PRDM16: variants seen among roughly 807,000 people sequenced by gnomAD.
PRDM16 encodes the protein PR/SET domain 16.
PRDM16 carries 23 observed loss-of-function variants against 110.6 expected under a neutral mutation model. The ratio of observed to expected loss-of-function variants is 0.21; its 90% CI spans 0.15 to 0.29. The LOEUF (loss-of-function observed/expected upper bound fraction) is 0.29. Among genes scored for constraint, PRDM16 ranks in the 10% least tolerant of loss-of-function variants. The pLI, the probability that PRDM16 is intolerant of heterozygous loss-of-function variation, is 1.00. For synonymous variants in PRDM16, 799 were observed against 781.8 expected (o/e 1.02, Z -0.37); for missense variants, 1,615 against 1,794.3 (o/e 0.90, Z 1.81).
intron 1 of PRDM16, among the ~76,000 whole-genome samples, chr1:3,082,202 C>A (rs989840138): frequency 1.3e-5 from 2 of 152,178 alleles, no homozygotes; most frequent in African/African-American, 4.8e-5. Flanking sequence ...GGGAGGCCCC[C>A]GCGGCCAGGC....
intron 1 of PRDM16, among the ~76,000 whole-genome samples, chr1:3,170,264 C>T (rs114535327): frequency 0.052 from 7,910 of 152,248 alleles, 226 homozygotes; most frequent in Admixed American, 0.072. Flanking sequence ...CAGGCCCTTC[C>T]GGGGTGGGGG....
At position 3,117,501 on chromosome 1, in the gene PRDM16, C is replaced by T. The variant is rs566358529; in HGVS notation, c.37+48205C>T. Reference sequence around the variant, plus strand: ...GGAGTGGTCTAGAGCCTGGGGGCATCGCCATGCCACCTCACCTCTGGCTAC... The same window carrying T: ...GGAGTGGTCTAGAGCCTGGGGGCATTGCCATGCCACCTCACCTCTGGCTAC... On this transcript the variant is annotated intron_variant, in intron 1 of 16. Transcript: ENST00000270722. Among the ~76,000 whole-genome samples the T allele has an allele frequency of 9.9e-5, 15 of 152,112 alleles. 1 individual carries two copies. Among genetic ancestry groups the T allele is most frequent in the Admixed American group, 7.9e-4 (12 of 15,282 alleles).
chr1:3,237,057 C>T (rs1177720888), intron 2 of PRDM16, among the ~76,000 whole-genome samples: 1 of 152,156 alleles, frequency 6.6e-6, no homozygotes, highest in Non-Finnish European at 1.5e-5. Flanking sequence ...GAAAGACCCC[C>T]ACATGCTCCT....
intron 2 of PRDM16, among the ~76,000 whole-genome samples, chr1:3,238,567 T>G (rs1417298065): frequency 1.3e-5 from 2 of 152,236 alleles, no homozygotes; most frequent in Non-Finnish European, 2.9e-5. Flanking sequence ...CGCAAGGGTT[T>G]GTGTCAACAC....
chr1:3,269,889 G>A (rs1640396045), intron 3 of PRDM16, among the ~76,000 whole-genome samples: 1 of 143,678 alleles, frequency 7.0e-6, no homozygotes, highest in African/African-American at 2.7e-5. Context: ...AGTCCCAGAG[G>A]AGGAAAGTCC....
chr1:3,083,306 C>T (rs1405783832), intron 1 of PRDM16, among the ~76,000 whole-genome samples: 1 of 152,202 alleles, frequency 6.6e-6, no homozygotes, highest in Non-Finnish European at 1.5e-5. Context: ...CATCCCTCCC[C>T]ATCATAGCCC....
intron 3 of PRDM16, among the ~76,000 whole-genome samples, chr1:3,345,724 TC>T: frequency 6.6e-6 from 1 of 151,478 alleles, no homozygotes; most frequent in South Asian, 2.1e-4. Context: ...TCTCGGGTCC[TC>T]CCGTGCTGCC....
At position 3,401,087 on chromosome 1, in the gene PRDM16, G is replaced by A. The variant is rs532553904; in HGVS notation, c.677-1704G>A. Among the ~76,000 whole-genome samples the A allele has an allele frequency of 1.1e-4, 16 of 152,268 alleles. No homozygotes were observed. The South Asian group carries it at 2.7e-3, about 26-fold the overall frequency. ...TCAGGGAGCCAGGCTCTGAGGACCC[G>A]CCAGGGGTGCTGGGGTGGCCCAGGC... On this transcript the variant is annotated intron_variant, in intron 5 of 16. Coordinates refer to ENST00000270722, the MANE Select transcript of PRDM16 (RefSeq NM_022114.4).
At chr1:3,356,128 C>T (rs777719175) in intron 3 of PRDM16, among the ~76,000 whole-genome samples, 8 of 152,232 alleles carry the variant, frequency 5.3e-5, no homozygotes, top group African/African-American at 7.2e-5. Flanking sequence ...ATGACTCCCA[C>T]GAGGGCGTTA....
At chr1:3,363,804 A>G (rs1019406662) in intron 3 of PRDM16, among the ~76,000 whole-genome samples, 4 of 152,036 alleles carry the variant, frequency 2.6e-5, no homozygotes, top group African/African-American at 7.2e-5. Flanking sequence ...AAAGAAGGAG[A>G]AGGAGGAGGA....
Position 3,197,096 on chromosome 1 carries a change from G to A in PRDM16, c.387+10622G>A, listed in dbSNP as rs531800496. ...AGGCTGACCAGCCACGCGCCCCCGG[G>A]CATGGAGTGATGGCTAAGATAGGAG... is the stretch of plus-strand genomic sequence containing the variant. On this transcript the variant is annotated intron_variant, in intron 2 of 16. Coordinates refer to ENST00000270722, the MANE Select transcript of PRDM16 (RefSeq NM_022114.4). Among the ~76,000 whole-genome samples the A allele has an allele frequency of 7.2e-4, 109 of 152,306 alleles. 1 individual carries two copies. The highest frequency in any genetic ancestry group is 6.8e-3 in the Middle Eastern group (2 of 294).
chr1:3,126,619 G>C (rs1162371630), intron 1 of PRDM16, among the ~76,000 whole-genome samples: 1 of 152,176 alleles, frequency 6.6e-6, no homozygotes, highest in East Asian at 1.9e-4. Flanking sequence ...GGTGGGCAGA[G>C]GGCTGGGGAC....
chr1:3,260,434 C>T (rs1337340334), intron 3 of PRDM16, among the ~76,000 whole-genome samples: 3 of 152,158 alleles, frequency 2.0e-5, no homozygotes, highest in African/African-American at 7.2e-5. Context: ...ATCCTACTGA[C>T]ACCTTAATTT....
At chr1:3,072,792 AAC>A (rs988721217) in intron 1 of PRDM16, among the ~76,000 whole-genome samples, 1 of 151,920 alleles carries the variant, frequency 6.6e-6, no homozygotes, top group African/African-American at 2.4e-5. Flanking sequence ...TTCGGACGAA[AAC>A]ACAGAGGCTG....
At chr1:3,324,247 A>G (rs1206508434) in intron 3 of PRDM16, among the ~76,000 whole-genome samples, 1 of 151,928 alleles carries the variant, frequency 6.6e-6, no homozygotes, top group African/African-American at 2.4e-5. Flanking sequence ...GGGCACTAGG[A>G]GCCCCAAGGA....
chr1:3,390,746 T>C lies in PRDM16; in HGVS notation c.573+5460T>C, dbSNP rs1643284825. Among the ~76,000 whole-genome samples, 1 of 152,126 alleles carries C rather than the reference T, an allele frequency of 6.6e-6. No individual in the cohort carries two copies. The highest frequency in any genetic ancestry group is 2.1e-4 in the South Asian group (1 of 4,822). On this transcript the variant is annotated intron_variant, in intron 4 of 16. Transcript: ENST00000270722. The surrounding 1 kb of genome is among the most constrained non-coding windows in gnomAD (Gnocchi z 5.0). ...GTGTGCCCTGTCAGGGTTGCGGTTT[T>C]AAACAGAGGGCATCCAACACCCATC...
intron 2 of PRDM16, among the ~76,000 whole-genome samples, chr1:3,199,814 C>A (rs546719875): frequency 6.6e-6 from 1 of 152,326 alleles, no homozygotes; most frequent in South Asian, 2.1e-4. Context: ...TGGACACGAG[C>A]ACCATGCTGT....
intron 3 of PRDM16, among the ~76,000 whole-genome samples, chr1:3,313,609 C>T (rs1307059785): frequency 1.3e-5 from 2 of 152,254 alleles, no homozygotes; most frequent in South Asian, 2.1e-4. Context: ...CCCAGCCCCT[C>T]ACCTGCGCCT....
chr1:3,070,909 C>A (rs377063801), intron 1 of PRDM16, among the ~76,000 whole-genome samples: 3 of 152,244 alleles, frequency 2.0e-5, no homozygotes, highest in African/African-American at 7.2e-5. Context: ...CGGGTGCCCT[C>A]GGCCTCGGCC....
Sources: allele counts gnomAD v4.1 joint callset (sites outside exome capture counted in the v4.1 genomes callset), GRCh38; gene constraint gnomAD v4.1.1; non-coding constraint Gnocchi (gnomAD v3.1); transcripts MANE v1.5; gene names NCBI Gene and HGNC (gene_info 2026-07-23, HGNC 2026-07-21).